The following LRMDA variants were observed in gnomAD, a reference collection of about 807,000 sequenced individuals.
LRMDA encodes the protein leucine-rich melanocyte differentiation-associated protein.
In LRMDA, 18 loss-of-function variants were observed where a neutral mutation model predicts 29.8. That is an observed-to-expected ratio of 0.60 (90% confidence interval 0.42 to 0.90). LRMDA has a LOEUF of 0.90. LRMDA is among the 40% of genes least tolerant of loss of function. The probability of loss-of-function intolerance (pLI) is 0.00; values close to 1 mark genes in which losing one functional copy is unlikely to be tolerated. For synonymous variants in LRMDA, 125 were observed against 109.4 expected (o/e 1.14, Z -0.89); for missense variants, 273 against 273.9 (o/e 1.00, Z 0.02).
At chr10:76,249,725 C>G (rs184459337) in intron 5 of LRMDA, among the ~76,000 whole-genome samples, 8 of 152,112 alleles carry the variant, frequency 5.3e-5, no homozygotes, top group African/African-American at 1.9e-4. Flanking sequence ...CCAGGTAGAT[C>G]GACTAAAATG....
chr10:75,496,756 C>A (rs1356723995), intron 2 of LRMDA, among the ~76,000 whole-genome samples: 1 of 152,094 alleles, frequency 6.6e-6, no homozygotes, highest in African/African-American at 2.4e-5. Context: ...GTACTTTGAG[C>A]CTTTCTGGGC....
intron 2 of LRMDA, among the ~76,000 whole-genome samples, chr10:75,866,897 G>A (rs530265306): frequency 1.3e-5 from 2 of 152,310 alleles, no homozygotes; most frequent in African/African-American, 4.8e-5. Context: ...TGAATTTGAG[G>A]GGAGGATGAA....
intron 2 of LRMDA, among the ~76,000 whole-genome samples, chr10:75,638,708 G>A (rs1213856473): frequency 9.2e-5 from 14 of 152,110 alleles, no homozygotes; most frequent in Admixed American, 9.2e-4. Context: ...ACAAGGAATG[G>A]GGAAAATATA....
rs557775970 is a variant in LRMDA, at chr10:76,399,738, A to T, written c.601+75253A>T. 3.3e-5 allele frequency among the ~76,000 whole-genome samples: 5 copies of T among 152,316 alleles called. No individual in the cohort carries two copies. In the East Asian group the frequency reaches 9.7e-4, roughly 29 times the overall value. On this transcript the variant is annotated intron_variant, in intron 6 of 6. Transcript: ENST00000611255. ...AGTTACTAGAGTTCAAAACCTTGGA[A>T]CTTTTATTTTCTCCCTTGTCTTTAC...
rs1847104577 is a variant in LRMDA, at chr10:75,978,016, A to G, written c.132-57992A>G. ...GGAGGAGAGTGGTTTATAAATGGAC[A>G]CATAAATGGCATGCTGATTGTCCCA... On this transcript the variant is annotated intron_variant, in intron 2 of 6. Coordinates refer to ENST00000611255, the MANE Select transcript of LRMDA (RefSeq NM_001305581.2). 3.9e-5 allele frequency among the ~76,000 whole-genome samples: 6 copies of G among 152,206 alleles called. No homozygotes were observed. The South Asian group carries it at 1.2e-3, about 32-fold the overall frequency.
intron 5 of LRMDA, among the ~76,000 whole-genome samples, chr10:76,068,691 G>A (rs369648692): frequency 6.6e-6 from 1 of 152,204 alleles, no homozygotes; most frequent in Non-Finnish European, 1.5e-5. Context: ...CGGGATTGGT[G>A]TTGGAGACCC....
chr10:76,286,020 A>T (rs1840266836), intron 5 of LRMDA, among the ~76,000 whole-genome samples: 1 of 152,170 alleles, frequency 6.6e-6, no homozygotes, highest in Non-Finnish European at 1.5e-5. Context: ...CATCCCAGAC[A>T]AAGTCTGTTT....
In LRMDA at chr10:76,363,217, G is replaced by GAGAA. The variant is rs796149725; in HGVS notation, c.601+38769_601+38772dup. On this transcript the variant is annotated intron_variant, in intron 6 of 6. Coordinates refer to ENST00000611255, the MANE Select transcript of LRMDA (RefSeq NM_001305581.2). ...GGGAGGGAGGGAGGGAGGGAAGGAAGAGAAAGAAAGAAAGAAAGAAAGAAA... is the reference window on the plus strand; with the variant it reads ...GGGAGGGAGGGAGGGAGGGAAGGAAGAGAAAGAAAGAAAGAAAGAAAGAAAGAAA... Among the ~76,000 whole-genome samples, 69 of 18,072 alleles carry GAGAA rather than the reference G, an allele frequency of 3.8e-3. 5 individuals carry two copies. Among genetic ancestry groups the GAGAA allele is most frequent in the Admixed American group, 0.013 (34 of 2,682 alleles). The allele number at this position is 18,072 out of a possible 152,430, so 11.9% of individuals were successfully genotyped here. A position where few individuals can be genotyped will look rare whatever the true frequency, so the allele number is the denominator to read the frequency against.
At chr10:76,030,391 C>T (rs548242001) in intron 2 of LRMDA, among the ~76,000 whole-genome samples, 3 of 151,660 alleles carry the variant, frequency 2.0e-5, no homozygotes, top group South Asian at 2.1e-4. Flanking sequence ...TAATATATGT[C>T]GTAATATATA....
At chr10:75,795,979 TAAAA>T (rs888529396) in intron 2 of LRMDA, among the ~76,000 whole-genome samples, 1 of 152,172 alleles carries the variant, frequency 6.6e-6, no homozygotes, top group Non-Finnish European at 1.5e-5. Context: ...TAAATTGAAT[TAAAA>T]AAATCATTTT....
At chr10:76,433,793 T>C (rs886339510) in intron 6 of LRMDA, 5 of 152,262 alleles carry the variant, frequency 3.3e-5, no homozygotes, top group African/African-American at 1.2e-4. Flanking sequence ...TGGGATCAAA[T>C]TCTAACCCTC....
intron 1 of LRMDA, 43 bp downstream of exon 1, chr10:75,431,797 C>T (rs1398600742): frequency 5.3e-6 from 7 of 1,324,496 alleles, no homozygotes; most frequent in Admixed American, 3.3e-5. Flanking sequence ...GCGCAGTCCG[C>T]GTGGGGAGGG....
At chr10:75,740,672 C>T (rs1842817968) in intron 2 of LRMDA, among the ~76,000 whole-genome samples, 1 of 152,166 alleles carries the variant, frequency 6.6e-6, no homozygotes, top group Non-Finnish European at 1.5e-5. Flanking sequence ...CTTCAAATAT[C>T]AGGCTCATGG....
intron 6 of LRMDA, among the ~76,000 whole-genome samples, chr10:76,427,087 A>G (rs938534464): frequency 4.0e-5 from 6 of 151,638 alleles, no homozygotes; most frequent in African/African-American, 7.3e-5. Context: ...GGCGATGCGG[A>G]CTCTTTTTTG....
chr10:76,433,525 C>G (rs1181789961), intron 6 of LRMDA, among the ~76,000 whole-genome samples: 2 of 152,192 alleles, frequency 1.3e-5, no homozygotes, highest in Non-Finnish European at 2.9e-5. Context: ...CAGCTACAGA[C>G]AGGCTTGTGC....
intron 5 of LRMDA, among the ~76,000 whole-genome samples, chr10:76,128,044 T>C (rs2132132464): frequency 6.6e-6 from 1 of 152,318 alleles, no homozygotes; most frequent in Middle Eastern, 3.4e-3. Context: ...TACTTGCCCA[T>C]AAAATCAAAG....
In LRMDA at chr10:75,574,571, C is replaced by T. The variant is rs553626944; in HGVS notation, c.131+136077C>T. 9.2e-5 allele frequency among the ~76,000 whole-genome samples: 14 copies of T among 152,280 alleles called. No homozygotes were observed. The South Asian group carries it at 1.9e-3, about 20-fold the overall frequency. The stretch of plus-strand genomic sequence containing the variant: ...CTTTGGCATCATTTTCCTGGCTCAT[C>T]GAGTACCTTTCTTCTCACTCCTTTT... On this transcript the variant is annotated intron_variant, in intron 2 of 6. Coordinates refer to ENST00000611255, the MANE Select transcript of LRMDA (RefSeq NM_001305581.2).
At chr10:76,383,781 C>T (rs7072725) in intron 6 of LRMDA, among the ~76,000 whole-genome samples, 40,645 of 151,902 alleles carry the variant, frequency 0.27, 7,772 homozygotes, top group African/African-American at 0.54. Flanking sequence ...AAGGCCCTGC[C>T]GTACAATCTT....
intron 5 of LRMDA, among the ~76,000 whole-genome samples, chr10:76,262,076 A>T (rs1478815659): frequency 1.3e-5 from 2 of 152,084 alleles, no homozygotes; most frequent in Non-Finnish European, 2.9e-5. Flanking sequence ...CTAAAAAAAA[A>T]TAATAATAAT....
Sources: gnomAD v4.1 joint callset for allele counts (sites outside exome capture counted in the v4.1 genomes callset) on GRCh38, gnomAD v4.1.1 for gene constraint, MANE v1.5 for transcripts, NCBI Gene and HGNC (gene_info 2026-07-23, HGNC 2026-07-21) for gene names.